PKD2: variants seen among roughly 807,000 people sequenced by gnomAD.
PKD2 encodes polycystin 2, transient receptor potential cation channel.
In PKD2, 48 loss-of-function variants were observed where a neutral mutation model predicts 105.9. The ratio of observed to expected loss-of-function variants is 0.45; its 90% CI spans 0.36 to 0.58. The LOEUF is 0.58. Among genes scored for constraint, PKD2 ranks in the 20% least tolerant of loss-of-function variants. The probability of loss-of-function intolerance (pLI) is 0.00; values close to 1 mark genes in which losing one functional copy is unlikely to be tolerated. For synonymous variants in PKD2, 464 were observed against 481.1 expected, an observed-to-expected ratio of 0.96 and a Z score of 0.46; for missense variants, 1,078 against 1,255.3, an observed-to-expected ratio of 0.86 and a Z score of 2.13.
At chr4:88,021,839 C>G (rs141780423) in intron 2 of PKD2, among the ~76,000 whole-genome samples, 101 of 152,304 alleles carry the variant, frequency 6.6e-4, no homozygotes, top group African/African-American at 2.3e-3. Context: ...AGACAAATAC[C>G]TAATCTCCTC....
rs561405167 is a variant in PKD2, at chr4:88,032,282, A to G, written c.710-3938A>G. Among the ~76,000 whole-genome samples the G allele has an allele frequency of 1.6e-3, 243 of 152,216 alleles. 1 individual carries two copies. Among genetic ancestry groups the G allele is most frequent in the African/African-American group, 5.6e-3 (231 of 41,542 alleles). ...ATTTGTTTTCAATATTTGAACCTATATTTTTCAACATTATTAAGAATAAAA... is the reference window on the plus strand; with the variant it reads ...ATTTGTTTTCAATATTTGAACCTATGTTTTTCAACATTATTAAGAATAAAA... On this transcript the variant is annotated intron_variant, in intron 2 of 14. Transcript: ENST00000237596.
chr4:88,042,763 GC>G (rs1460824038), intron 4 of PKD2, among the ~76,000 whole-genome samples: 10 of 152,176 alleles, frequency 6.6e-5, no homozygotes, highest in African/African-American at 2.2e-4. Flanking sequence ...TGCTGAAGAA[GC>G]ATCTGTTTTC....
chr4:88,046,607 T>C (rs755246607), intron 5 of PKD2, 35 bp from the exon 6 acceptor site: 8 of 1,178,826 alleles, frequency 6.8e-6, no homozygotes, highest in South Asian at 4.9e-5. Flanking sequence ...TGTGTTGTTG[T>C]TGTTATTGTT....
chr4:88,062,097 A>G, intron 10 of PKD2, 93 bp downstream of exon 10: 1 of 731,352 alleles, frequency 1.4e-6, no homozygotes, highest in South Asian at 1.5e-5. Flanking sequence ...TGATCCATTG[A>G]AATTGTTTGA....
intron 6 of PKD2, among the ~76,000 whole-genome samples, chr4:88,050,645 A>T (rs918974537): frequency 6.6e-6 from 1 of 152,190 alleles, no homozygotes; most frequent in Non-Finnish European, 1.5e-5. Flanking sequence ...TTGGGTAAAG[A>T]GTTACCATTG....
rs757656223 is a variant in PKD2, at chr4:88,056,239, G to A, written c.1870G>A (p.Asp624Asn). The change falls in exon 8 of 15, where the codon GAT becomes AAT. Residue 624 changes from aspartate (D) to asparagine (N), a missense_variant. Asp to Asn is a conservative substitution (Grantham distance 23, BLOSUM62 1). Coordinates refer to ENST00000237596, the MANE Select transcript of PKD2 (RefSeq NM_000297.4). Reference sequence around the variant, plus strand: ...ATACCTTGTCTTTGGCACTCAGGTCGATGACTTCAGTACTTTCCAAGAGTG... The same window carrying A: ...ATACCTTGTCTTTGGCACTCAGGTCAATGACTTCAGTACTTTCCAAGAGTG... ...LAYLVFGTQV[D>N]DFSTFQECIF... 10 of 1,612,348 alleles carry A rather than the reference G, an allele frequency of 6.2e-6. No homozygotes were observed. Among genetic ancestry groups the A allele is most frequent in the Admixed American group, 5.0e-5 (3 of 59,998 alleles).
chr4:88,043,179 C>G, intron 4 of PKD2, 54 bp from the exon 5 acceptor site: 1 of 1,140,540 alleles, frequency 8.8e-7, no homozygotes, highest in Non-Finnish European at 1.3e-6. Context: ...TTGTAATTGC[C>G]TCAAGTGTTC....
chr4:88,011,281 G>A (rs1262684239), intron 1 of PKD2, among the ~76,000 whole-genome samples: 1 of 150,508 alleles, frequency 6.6e-6, no homozygotes, highest in Non-Finnish European at 1.5e-5. Flanking sequence ...GTATCAACCT[G>A]TTAAAGTCAG....
In PKD2 at chr4:88,056,843, A is replaced by G. The variant is rs1560620811; in HGVS notation, c.1898+576A>G. On this transcript the variant is annotated intron_variant, in intron 8 of 14. Coordinates refer to ENST00000237596, the MANE Select transcript of PKD2 (RefSeq NM_000297.4). ...TTTTGTGCATAGATATCTCGAATTA[A>G]TATTGCTGTTGATAAAAGTGATTTT... Among the ~76,000 whole-genome samples the G allele has an allele frequency of 2.0e-5, 3 of 152,172 alleles. No individual in the cohort carries two copies. The South Asian group carries it at 6.2e-4, about 32-fold the overall frequency.
At position 88,043,590 on chromosome 4, in the gene PKD2, G is replaced by C. The variant is rs1727660842; in HGVS notation, c.1319+133G>C. ...CCAAGGACCCAGACGGATAGCAAGG[G>C]AGGGGTAAAAACTGAAGGCTTACCG... On this transcript the variant is annotated intron_variant, in intron 5 of 14. Coordinates refer to ENST00000237596, the MANE Select transcript of PKD2 (RefSeq NM_000297.4). The C allele has an allele frequency of 1.1e-5, 7 of 652,612 alleles. No homozygotes were observed. In the Admixed American group the frequency reaches 1.8e-4, roughly 17 times the overall value. The allele number at this position is 652,612 out of a possible 1,614,324, so 40.4% of individuals were successfully genotyped here. A position where few individuals can be genotyped will look rare whatever the true frequency, so the allele number is the denominator to read the frequency against.
intron 1 of PKD2, among the ~76,000 whole-genome samples, chr4:88,013,241 A>G (rs1283911296): frequency 6.6e-6 from 1 of 152,190 alleles, no homozygotes; most frequent in Non-Finnish European, 1.5e-5. Flanking sequence ...TGTGCCAGTA[A>G]CAGAATTCAT....
At chr4:88,028,431 A>G (rs1217258271) in intron 2 of PKD2, among the ~76,000 whole-genome samples, 5 of 152,240 alleles carry the variant, frequency 3.3e-5, no homozygotes, top group African/African-American at 1.2e-4. Flanking sequence ...TTAAGATCAC[A>G]TGTTGCAATC....
intron 13 of PKD2, among the ~76,000 whole-genome samples, chr4:88,070,831 T>C (rs1449508719): frequency 6.6e-6 from 1 of 151,906 alleles, no homozygotes; most frequent in Non-Finnish European, 1.5e-5. Flanking sequence ...GATGGCATCT[T>C]GTTATGTTGC....
At chr4:88,050,331 G>A (rs904455199) in intron 6 of PKD2, among the ~76,000 whole-genome samples, 1 of 152,062 alleles carries the variant, frequency 6.6e-6, no homozygotes, top group Non-Finnish European at 1.5e-5. Context: ...ACTTGCCACT[G>A]TTCTAGGCAC....
chr4:88,023,526 A>T (rs1726841933), intron 2 of PKD2, among the ~76,000 whole-genome samples: 1 of 152,234 alleles, frequency 6.6e-6, no homozygotes, highest in Admixed American at 6.5e-5. Context: ...CATAGTAGGT[A>T]GGGTTTTAAA....
intron 1 of PKD2, among the ~76,000 whole-genome samples, chr4:88,010,307 C>A (rs12643240): frequency 0.098 from 14,900 of 152,110 alleles, 1,075 homozygotes; most frequent in East Asian, 0.41. Context: ...TTATTCCTTT[C>A]TTTTATGAAG....
Position 88,075,768 on chromosome 4 carries a change from A to G in PKD2, c.*74A>G, listed in dbSNP as rs1578154480. ...CCTGAATTGCTGTAACAAGCACACTATTTATATGCCCTGACCACCATAGGA... is the reference window on the plus strand; with the variant it reads ...CCTGAATTGCTGTAACAAGCACACTGTTTATATGCCCTGACCACCATAGGA... On this transcript the variant is annotated 3_prime_UTR_variant, in exon 15 of 15. Transcript: ENST00000237596. The G allele has an allele frequency of 1.0e-6, 1 of 998,952 alleles. No homozygotes were observed. The highest frequency in any genetic ancestry group is 1.6e-5 in the African/African-American group (1 of 63,424). The allele number at this position is 998,952 out of a possible 1,614,324, so 61.9% of individuals were successfully genotyped here. A position where few individuals can be genotyped will look rare whatever the true frequency, so the allele number is the denominator to read the frequency against.
chr4:88,036,544 C>T, intron 3 of PKD2, 191 bp downstream of exon 3: 1 of 357,630 alleles, frequency 2.8e-6, no homozygotes, highest in Non-Finnish European at 3.9e-6. Flanking sequence ...AGAACTTTGC[C>T]TGTGCCTTGC....
In PKD2 at chr4:88,031,287, A is replaced by G. The variant is rs1727140026; in HGVS notation, c.710-4933A>G. Among the ~76,000 whole-genome samples the G allele has an allele frequency of 1.3e-5, 2 of 152,208 alleles. 1 individual carries two copies. Among genetic ancestry groups the G allele is most frequent in the South Asian group, 4.1e-4 (2 of 4,832 alleles). On this transcript the variant is annotated intron_variant, in intron 2 of 14. Transcript: ENST00000237596. ...GTTAGGTATATTAAATGCATTTTCA[A>G]CTTATGATATTTTCAATTTACAATG...
Sources: allele counts gnomAD v4.1 joint callset (sites outside exome capture counted in the v4.1 genomes callset), GRCh38; gene constraint gnomAD v4.1.1; transcripts MANE v1.5; gene names NCBI Gene and HGNC (gene_info 2026-07-23, HGNC 2026-07-21).